AP3S2: variants seen among roughly 807,000 people sequenced by gnomAD.
AP3S2 encodes the protein AP-3 complex subunit sigma-2.
A neutral mutation model predicts 23.4 loss-of-function variants in AP3S2; 22 were observed. That is an observed-to-expected ratio of 0.94 (90% confidence interval 0.67 to 1.34). AP3S2 has a LOEUF of 1.34. Ranked by LOEUF, AP3S2 falls within the 40% of genes most tolerant of loss-of-function variation. The probability of loss-of-function intolerance (pLI) is 0.00; values close to 1 mark genes in which losing one functional copy is unlikely to be tolerated. For synonymous variants in AP3S2, 86 were observed against 87.1 expected (o/e 0.99, Z 0.07); for missense variants, 241 against 236.9 (o/e 1.02, Z -0.11).
chr15:89,888,838 CG>C (rs1223811753), intron 2 of AP3S2, among the ~76,000 whole-genome samples: 1 of 152,124 alleles, frequency 6.6e-6, no homozygotes, highest in Non-Finnish European at 1.5e-5. Context: ...CCTATCCTCC[CG>C]GGGATCAATC....
chr15:89,863,024 T>C (rs565099099), intron 4 of AP3S2, among the ~76,000 whole-genome samples: 5 of 151,806 alleles, frequency 3.3e-5, no homozygotes, highest in Non-Finnish European at 5.9e-5. Context: ...AACTTCCTGA[T>C]AGAGTGGGAA....
At chr15:89,844,239 CT>C (rs1361104422) in intron 4 of AP3S2, among the ~76,000 whole-genome samples, 4 of 84,858 alleles carry the variant, frequency 4.7e-5, no homozygotes, top group African/African-American at 2.0e-4. Flanking sequence ...TTCTTTCTTT[CT>C]TTCTTTCTTT....
At chr15:89,887,165 T>C (rs1460862900) in intron 3 of AP3S2, among the ~76,000 whole-genome samples, 1 of 152,170 alleles carries the variant, frequency 6.6e-6, no homozygotes, top group Non-Finnish European at 1.5e-5. Context: ...TATTTAAAAA[T>C]TATCTCCGAG....
intron 3 of AP3S2, among the ~76,000 whole-genome samples, chr15:89,887,534 G>A (rs1896728673): frequency 1.3e-5 from 2 of 151,932 alleles, no homozygotes; most frequent in South Asian, 2.1e-4. Flanking sequence ...ACTACGCCCG[G>A]CTAATTCTTG....
chr15:89,846,534 C>CT (rs942692016), intron 4 of AP3S2, among the ~76,000 whole-genome samples: 25 of 146,798 alleles, frequency 1.7e-4, no homozygotes, highest in East Asian at 4.0e-4. Context: ...AATTTTTTTT[C>CT]TTTTTTTTTT....
intron 4 of AP3S2, among the ~76,000 whole-genome samples, chr15:89,868,609 G>C: frequency 8.4e-6 from 1 of 119,484 alleles, no homozygotes; most frequent in Non-Finnish European, 1.8e-5. Context: ...CGTCTGGGAG[G>C]TGAGGGGCGC....
rs758249917 is a variant in AP3S2, at chr15:89,835,601, T to G, written c.496A>C (p.Lys166Gln). 3.7e-6 allele frequency: 6 copies of G among 1,613,252 alleles called. No homozygotes were observed. The highest frequency in any genetic ancestry group is 4.2e-6 in the Non-Finnish European group (5 of 1,179,930). ...AAPARAVSAV[K>Q]NINLPEIPRN... ...GGAATCTCTGGCAGGTTGATGTTTT[T>G]CACAGCAGACACAGCCCGCGCAGGG... is the stretch of plus-strand genomic sequence containing the variant. The change falls in exon 6 of 6, where the codon AAA becomes CAA. Residue 166 changes from lysine (K) to glutamine (Q), a missense_variant. Lys to Gln is a moderately conservative substitution (Grantham distance 53, BLOSUM62 1). Transcript: ENST00000336418.
At chr15:89,855,945 T>TAAAAAAAAAAAAAAAAAAAAAAAAAA (rs34784306) in intron 4 of AP3S2, among the ~76,000 whole-genome samples, 1 of 111,986 alleles carries the variant, frequency 8.9e-6, no homozygotes, top group African/African-American at 3.4e-5. Flanking sequence ...ATATGTCCTT[T>TAAAAAAAAAAAAAAAAAAAAAAAAAA]AAAAAAAAAA....
chr15:89,883,936 T>G (rs533687107), intron 3 of AP3S2: 2 of 152,276 alleles, frequency 1.3e-5, no homozygotes, highest in Non-Finnish European at 2.9e-5. Context: ...AAATGCTTAT[T>G]GGTCATTTCA....
intron 4 of AP3S2, among the ~76,000 whole-genome samples, chr15:89,850,361 G>T (rs114848378): frequency 1.5e-4 from 23 of 152,346 alleles, no homozygotes; most frequent in African/African-American, 5.1e-4. Context: ...AATGAATCCA[G>T]TGGAGCCTTG....
At chr15:89,886,869 A>T (rs1896713326) in intron 3 of AP3S2, among the ~76,000 whole-genome samples, 1 of 152,150 alleles carries the variant, frequency 6.6e-6, no homozygotes. Flanking sequence ...ATCTTGGCTC[A>T]CTGCAACCTC....
intron 4 of AP3S2, among the ~76,000 whole-genome samples, chr15:89,843,046 G>A (rs1436871843): frequency 9.9e-5 from 15 of 151,756 alleles, no homozygotes; most frequent in Admixed American, 7.9e-4. Context: ...GTGCAATGGC[G>A]CGATCTCCGC....
At chr15:89,878,364 G>C (rs1334245059) in intron 3 of AP3S2, 1 of 597,426 alleles carries the variant, frequency 1.7e-6, no homozygotes, top group Non-Finnish European at 2.9e-6. Context: ...AACAAAAAAA[G>C]AATATGCATA....
chr15:89,881,875 C>T (rs2141894305), intron 3 of AP3S2, among the ~76,000 whole-genome samples: 1 of 151,420 alleles, frequency 6.6e-6, no homozygotes, highest in Non-Finnish European at 1.5e-5. Context: ...GGCTGGAGCG[C>T]AATGGCACGA....
intron 4 of AP3S2, among the ~76,000 whole-genome samples, chr15:89,857,151 G>A (rs1178270624): frequency 6.6e-6 from 1 of 152,108 alleles, no homozygotes; most frequent in African/African-American, 2.4e-5. Context: ...GGCTGGGGCT[G>A]GGCACGGTGG....
chr15:89,842,918 G>A (rs933489583), intron 4 of AP3S2, among the ~76,000 whole-genome samples: 5 of 151,802 alleles, frequency 3.3e-5, no homozygotes, highest in Middle Eastern at 3.5e-3. Flanking sequence ...GAAGACTCAA[G>A]GACTTTATAC....
rs560308340 is a variant in AP3S2 at position 89,860,611 on chromosome 15, G to C, written c.345+10864C>G. 2.6e-5 allele frequency among the ~76,000 whole-genome samples: 4 copies of C among 152,192 alleles called. No individual in the cohort carries two copies. In the East Asian group the frequency reaches 7.7e-4, roughly 29 times the overall value. On this transcript the variant is annotated intron_variant, in intron 4 of 5. Coordinates refer to ENST00000336418, the MANE Select transcript of AP3S2 (RefSeq NM_005829.5). ...GACCATGGTTGACTGTGCATAACTG[G>C]AACTACAGAAAGTGAAACTGCAGAT...
intron 4 of AP3S2, among the ~76,000 whole-genome samples, chr15:89,842,342 G>A (rs1452434384): frequency 6.6e-6 from 1 of 152,140 alleles, no homozygotes; most frequent in Admixed American, 6.6e-5. Flanking sequence ...CATAAAGATA[G>A]AATCTAAGGT....
chr15:89,855,183 G>C (rs1895796451), intron 4 of AP3S2, among the ~76,000 whole-genome samples: 1 of 82,564 alleles, frequency 1.2e-5, no homozygotes, highest in African/African-American at 4.4e-5. Context: ...TCTGCACTAA[G>C]AAAAATTCCT....
Sources: gnomAD v4.1 joint callset for allele counts (sites outside exome capture counted in the v4.1 genomes callset) on GRCh38, gnomAD v4.1.1 for gene constraint, MANE v1.5 for transcripts, NCBI Gene and HGNC (gene_info 2026-07-23, HGNC 2026-07-21) for gene names.